The following PTPRG variants were observed in gnomAD, a reference collection of about 807,000 sequenced individuals.
The protein encoded by PTPRG is receptor-type tyrosine-protein phosphatase gamma.
A neutral mutation model predicts 165.3 loss-of-function variants in PTPRG; 102 were observed. The observed-to-expected ratio is 0.62, with a 90% CI of 0.53 to 0.73. The LOEUF (loss-of-function observed/expected upper bound fraction) is 0.73, where lower values mean the gene tolerates loss of function less well. Ranked by LOEUF, PTPRG falls within the 30% of genes least tolerant of loss-of-function variation. The pLI is 0.00. For synonymous variants in PTPRG, 675 were observed against 669.5 expected, an observed-to-expected ratio of 1.01 and a Z score of -0.13; for missense variants, 1,866 against 1,861.4, an observed-to-expected ratio of 1.00 and a Z score of -0.05.
At chr3:61,789,089 C>T (rs2034795258) in intron 2 of PTPRG, among the ~76,000 whole-genome samples, 1 of 151,928 alleles carries the variant, frequency 6.6e-6, no homozygotes, top group Admixed American at 6.6e-5. Context: ...TTCTTTCCTC[C>T]TTTTCTTTTC....
intron 2 of PTPRG, among the ~76,000 whole-genome samples, chr3:61,934,402 T>G (rs2039435823): frequency 6.6e-6 from 1 of 152,106 alleles, no homozygotes; most frequent in Admixed American, 6.6e-5. Flanking sequence ...GTGTGTGCAT[T>G]TGCAATCCTG....
intron 2 of PTPRG, among the ~76,000 whole-genome samples, chr3:61,910,099 T>C (rs1276074922): frequency 6.6e-6 from 1 of 152,318 alleles, no homozygotes; most frequent in Admixed American, 6.5e-5. Flanking sequence ...TATCTCATTA[T>C]GCTGTTATGC....
intron 5 of PTPRG, among the ~76,000 whole-genome samples, chr3:62,085,536 TG>T (rs1182797468): frequency 1.2e-4 from 19 of 152,346 alleles, no homozygotes; most frequent in Middle Eastern, 3.4e-3. Flanking sequence ...GAGGGTTTTT[TG>T]GATCATTTTG....
intron 4 of PTPRG, among the ~76,000 whole-genome samples, chr3:62,037,407 A>G (rs1285516850): frequency 1.3e-5 from 2 of 152,102 alleles, no homozygotes; most frequent in African/African-American, 4.8e-5. Context: ...GCATTATAGG[A>G]TGTTTAGCAG....
intron 5 of PTPRG, among the ~76,000 whole-genome samples, chr3:62,092,045 G>A (rs953284739): frequency 1.4e-5 from 2 of 147,448 alleles, no homozygotes; most frequent in African/African-American, 5.1e-5. Context: ...TCATTAGGGA[G>A]GTTACCCCTT....
intron 2 of PTPRG, among the ~76,000 whole-genome samples, chr3:61,813,247 G>C (rs992299829): frequency 6.7e-6 from 1 of 149,678 alleles, no homozygotes; most frequent in Non-Finnish European, 1.5e-5. Context: ...TGTAATATCA[G>C]CACTTTGGGA....
At chr3:61,777,044 T>C (rs1424224477) in intron 2 of PTPRG, among the ~76,000 whole-genome samples, 5 of 152,222 alleles carry the variant, frequency 3.3e-5, no homozygotes, top group Admixed American at 3.3e-4. Flanking sequence ...CCTAGATCAG[T>C]ACTGCATATG....
At chr3:61,949,782 C>T (rs1422603694) in intron 2 of PTPRG, among the ~76,000 whole-genome samples, 1 of 151,080 alleles carries the variant, frequency 6.6e-6, no homozygotes. Flanking sequence ...CTCTGTCACT[C>T]TGTCACCCAG....
At chr3:61,887,625 A>G (rs1343757516) in intron 2 of PTPRG, among the ~76,000 whole-genome samples, 1 of 152,174 alleles carries the variant, frequency 6.6e-6, no homozygotes, top group East Asian at 1.9e-4. Flanking sequence ...AGTTTTGGAC[A>G]GTAATCACAT....
chr3:61,861,658 A>G (rs934989235), intron 2 of PTPRG, among the ~76,000 whole-genome samples: 5 of 152,192 alleles, frequency 3.3e-5, no homozygotes, highest in Non-Finnish European at 5.9e-5. Flanking sequence ...CACAAGCCTG[A>G]TAGGAAGGCC....
intron 1 of PTPRG, among the ~76,000 whole-genome samples, chr3:61,592,959 A>G (rs1434943006): frequency 2.0e-5 from 3 of 152,166 alleles, no homozygotes; most frequent in Non-Finnish European, 2.9e-5. Flanking sequence ...AGGCAAAAAC[A>G]ATATAGGTGC....
chr3:61,957,192 T>C (rs1384267758), intron 2 of PTPRG, among the ~76,000 whole-genome samples: 1 of 152,250 alleles, frequency 6.6e-6, no homozygotes, highest in South Asian at 2.1e-4. Flanking sequence ...AGGAGAGGCA[T>C]ACACACACAC....
At chr3:61,712,234 C>T (rs775809879) in intron 1 of PTPRG, among the ~76,000 whole-genome samples, 5 of 151,674 alleles carry the variant, frequency 3.3e-5, no homozygotes, top group African/African-American at 1.2e-4. Flanking sequence ...TAACTGCCAT[C>T]GATTATTTTT....
chr3:61,828,664 C>T (rs11130857), intron 2 of PTPRG, among the ~76,000 whole-genome samples: 36,753 of 151,982 alleles, frequency 0.24, 4,623 homozygotes, highest in East Asian at 0.29. Flanking sequence ...TGGTTGGCGT[C>T]GGATGCATTG....
At chr3:61,885,439 T>G (rs906455878) in intron 2 of PTPRG, among the ~76,000 whole-genome samples, 2 of 151,670 alleles carry the variant, frequency 1.3e-5, no homozygotes, top group Non-Finnish European at 2.9e-5. Flanking sequence ...TTTGTACATA[T>G]GCACATTAAT....
intron 2 of PTPRG, among the ~76,000 whole-genome samples, chr3:61,979,093 A>G (rs1450956746): frequency 6.6e-6 from 1 of 152,188 alleles, no homozygotes; most frequent in Non-Finnish European, 1.5e-5. Context: ...TATTCTCCAA[A>G]TGGATGATGG....
At chr3:61,670,496 A>G (rs1413953241) in intron 1 of PTPRG, among the ~76,000 whole-genome samples, 2 of 152,212 alleles carry the variant, frequency 1.3e-5, no homozygotes, top group African/African-American at 4.8e-5. Flanking sequence ...TCTGTTTTCA[A>G]AATGGTATTG....
intron 2 of PTPRG, among the ~76,000 whole-genome samples, chr3:61,972,555 C>T (rs2040407979): frequency 1.3e-5 from 2 of 152,074 alleles, no homozygotes; most frequent in Non-Finnish European, 2.9e-5. Flanking sequence ...GGTGATCCAG[C>T]ATGGGACCCT....
intron 7 of PTPRG, among the ~76,000 whole-genome samples, chr3:62,161,084 C>T (rs1704741538): frequency 6.6e-6 from 1 of 152,022 alleles, no homozygotes; most frequent in Non-Finnish European, 1.5e-5. Context: ...CCTCGGTTTT[C>T]TCCTCTGTAA....
Sources: allele counts gnomAD v4.1 joint callset (sites outside exome capture counted in the v4.1 genomes callset), GRCh38; gene constraint gnomAD v4.1.1; transcripts MANE v1.5; gene names NCBI Gene and HGNC (gene_info 2026-07-23, HGNC 2026-07-21).